Variants in CCDC171 observed in about 807,000 individuals in gnomAD.
CCDC171 encodes the protein coiled-coil domain-containing protein 171.
Under a neutral mutation model 168.2 loss-of-function variants are expected in CCDC171, and 177 were observed. The ratio of observed to expected loss-of-function variants is 1.05; its 90% CI spans 0.93 to 1.19. The LOEUF (loss-of-function observed/expected upper bound fraction) is 1.19. CCDC171 is among the 50% of genes most tolerant of loss of function. The probability of loss-of-function intolerance (pLI) is 0.00; values close to 1 mark genes in which losing one functional copy is unlikely to be tolerated. For missense variants in CCDC171, 1,991 were observed against 1,539.0 expected, an observed-to-expected ratio of 1.29 and a Z score of -4.91; for synonymous variants, 687 against 540.8, an observed-to-expected ratio of 1.27 and a Z score of -3.75.
chr9:16,001,837 CT>C (rs35583305), intron 3 of CCDC171, among the ~76,000 whole-genome samples: 43,782 of 127,708 alleles, frequency 0.34, 6,125 homozygotes, highest in East Asian at 0.54. Context: ...GATTTATTAT[CT>C]TTTTTTTTTT....
At chr9:16,072,098 A>T in the CCDC171 span, among the ~76,000 whole-genome samples, 1 of 152,220 alleles carries the variant, frequency 6.6e-6, no homozygotes, top group African/African-American at 2.4e-5. Flanking sequence ...TACTATTTTT[A>T]TATTAAAACA....
chr9:15,844,456 T>C (rs1054452754), intron 21 of CCDC171, among the ~76,000 whole-genome samples: 2 of 152,084 alleles, frequency 1.3e-5, no homozygotes, highest in African/African-American at 4.8e-5. Context: ...GTTTATGTCT[T>C]GGTGTTTTAC....
intron 7 of CCDC171, among the ~76,000 whole-genome samples, chr9:15,647,137 G>A (rs1055461944): frequency 2.0e-5 from 3 of 152,120 alleles, no homozygotes; most frequent in Non-Finnish European, 2.9e-5. Context: ...TGAACAACCT[G>A]CTCCTGAATG....
At chr9:15,636,683 G>A (rs990368106) in intron 7 of CCDC171, among the ~76,000 whole-genome samples, 55 of 145,884 alleles carry the variant, frequency 3.8e-4, no homozygotes, top group Non-Finnish European at 1.6e-4. Flanking sequence ...TGGGGAGTTT[G>A]GGCCTGCAGT....
At chr9:15,978,295 A>T (rs764227540), downstream of CCDC171, among the ~76,000 whole-genome samples, 7 of 152,208 alleles carry the variant, frequency 4.6e-5, no homozygotes, top group Non-Finnish European at 8.8e-5. Context: ...CAGAGTTCTC[A>T]TTCACAGTCA....
intron 21 of CCDC171, among the ~76,000 whole-genome samples, chr9:15,828,486 T>C (rs1042528652): frequency 6.6e-6 from 1 of 152,202 alleles, no homozygotes; most frequent in Non-Finnish European, 1.5e-5. Context: ...TATTTTTAGA[T>C]TTATATGTAG....
chr9:15,565,812 G>C (rs550145549), intron 2 of CCDC171, among the ~76,000 whole-genome samples: 2 of 152,314 alleles, frequency 1.3e-5, no homozygotes, highest in South Asian at 4.1e-4. Flanking sequence ...TAATGCTGCT[G>C]TGCATGTTTG....
chr9:15,752,392 C>T (rs2134872188), intron 18 of CCDC171, among the ~76,000 whole-genome samples: 1 of 152,234 alleles, frequency 6.6e-6, no homozygotes, highest in South Asian at 2.1e-4. Flanking sequence ...CAAGCAATTC[C>T]ACTTACTGGT....
intron 25 of CCDC171, chr9:15,922,107 A>G (rs900607939): frequency 2.5e-5 from 9 of 353,252 alleles, no homozygotes; most frequent in African/African-American, 1.9e-4. Context: ...GAACATATCT[A>G]CAGGATACAT....
At chr9:15,557,690 C>T (rs2038924552) in intron 1 of CCDC171, among the ~76,000 whole-genome samples, 1 of 152,108 alleles carries the variant, frequency 6.6e-6, no homozygotes, top group Admixed American at 6.5e-5. Flanking sequence ...CAAACAAGGA[C>T]AATTTGACTT....
intron 6 of CCDC171, among the ~76,000 whole-genome samples, chr9:16,029,008 A>G (rs1436868564): frequency 1.3e-5 from 2 of 152,096 alleles, no homozygotes; most frequent in African/African-American, 2.4e-5. Context: ...AGCCTTGAGC[A>G]TAGAGCCCCC....
chr9:15,896,176 C>T (rs1306607666), intron 24 of CCDC171, among the ~76,000 whole-genome samples: 1 of 151,870 alleles, frequency 6.6e-6, no homozygotes, highest in Non-Finnish European at 1.5e-5. Flanking sequence ...TTAGAATTAG[C>T]CTTGATTCAG....
intron 21 of CCDC171, among the ~76,000 whole-genome samples, chr9:15,831,803 A>G (rs2060244565): frequency 7.0e-6 from 1 of 143,108 alleles, no homozygotes; most frequent in African/African-American, 2.8e-5. Context: ...AGGAATCAAT[A>G]GGCTTACAAA....
intron 18 of CCDC171, among the ~76,000 whole-genome samples, chr9:15,758,135 G>C (rs188863147): frequency 5.4e-4 from 82 of 152,316 alleles, no homozygotes; most frequent in African/African-American, 1.8e-3. Context: ...TCCACTGACA[G>C]CTCGCACTGT....
chr9:15,606,014 CAT>C (rs1587359633), intron 6 of CCDC171, among the ~76,000 whole-genome samples: 1 of 152,132 alleles, frequency 6.6e-6, no homozygotes, highest in Non-Finnish European at 1.5e-5. Flanking sequence ...TATACACACA[CAT>C]ACCTATGATA....
intron 9 of CCDC171, 88 bp from the exon 10 acceptor site, chr9:15,678,670 A>T: frequency 9.6e-7 from 1 of 1,045,448 alleles, no homozygotes; most frequent in Non-Finnish European, 1.4e-6. Flanking sequence ...CATGATATGT[A>T]GTACATCTGC....
intron 3 of CCDC171, among the ~76,000 whole-genome samples, chr9:15,980,136 T>A (rs1831747239): frequency 6.6e-6 from 1 of 152,194 alleles, no homozygotes; most frequent in Admixed American, 6.5e-5. Flanking sequence ...GAGTTTTAGA[T>A]GTAATAATAC....
intron 2 of CCDC171, among the ~76,000 whole-genome samples, chr9:15,570,240 G>A (rs1384795315): frequency 6.6e-6 from 1 of 152,122 alleles, no homozygotes; most frequent in Non-Finnish European, 1.5e-5. Flanking sequence ...CAAAGTGCTT[G>A]GAGGCCAGGC....
At chr9:15,704,957 A>G (rs2052091980) in intron 11 of CCDC171, among the ~76,000 whole-genome samples, 2 of 152,106 alleles carry the variant, frequency 1.3e-5, no homozygotes, top group Non-Finnish European at 1.5e-5. Context: ...AGGACCATTT[A>G]TGAGCTTAGG....
Sources: allele counts gnomAD v4.1 joint callset (sites outside exome capture counted in the v4.1 genomes callset), GRCh38; gene constraint gnomAD v4.1.1; transcripts MANE v1.5; gene names NCBI Gene and HGNC (gene_info 2026-07-23, HGNC 2026-07-21).